Variants in PRAMEF14 observed in about 807,000 individuals in gnomAD.
PRAMEF14 encodes the protein PRAME family member 14.
In PRAMEF14, 24 loss-of-function variants were observed where a neutral mutation model predicts 38.3. The ratio of observed to expected loss-of-function variants is 0.63; its 90% CI spans 0.45 to 0.88. The LOEUF is 0.88. PRAMEF14 is among the 40% of genes least tolerant of loss of function. The pLI is 0.00. For synonymous variants in PRAMEF14, 194 were observed against 226.4 expected, an observed-to-expected ratio of 0.86 and a Z score of 1.29; for missense variants, 477 against 570.8, an observed-to-expected ratio of 0.84 and a Z score of 1.67.
At position 13,342,778 on chromosome 1, in the gene PRAMEF14, C is replaced by T; in HGVS notation, c.1175G>A (p.Gly392Asp). The T allele has an allele frequency of 2.5e-6, 4 of 1,603,674 alleles. No homozygotes were observed. The highest frequency in any genetic ancestry group is 3.4e-6 in the Non-Finnish European group (4 of 1,176,786). Residue 392 changes from glycine to aspartate, a missense_variant, in exon 4 of 4, where the codon GGT (glycine) becomes GAT (aspartate). Transcript: ENST00000334600. ...FYFGRNCMSMGALKDLLCHTS... is the reference protein window; with the variant it reads ...FYFGRNCMSMDALKDLLCHTS... The stretch of plus-strand genomic sequence containing the variant: ...GTGGCACAACAGGTCCTTCAGGGCA[C>T]CCATAGACATACAATTTCTGCCAAA...
Position 13,342,741 on chromosome 1 carries a change from C to A in PRAMEF14, c.1212G>T (p.Leu404=), listed in dbSNP as rs1184985537. ...LKDLLCHTSG[L]SKLSLETYPA... is the part of the protein sequence containing the mutation. ...GATACGTCTCCAGGCTTAACTTGCT[C>A]AGCCCACTGGTGTGGCACAACAGGT... is the stretch of plus-strand genomic sequence containing the variant. Residue 404 remains leucine, a synonymous_variant, in exon 4 of 4, where the codon CTG becomes CTT. Transcript: ENST00000334600. 6.2e-7 allele frequency: 1 copy of A among 1,604,304 alleles called. No individual in the cohort carries two copies. The highest frequency in any genetic ancestry group is 8.5e-7 in the Non-Finnish European group (1 of 1,177,258).
At chr1:13,344,936 T>G (rs1640381568) in intron 2 of PRAMEF14, 92 bp downstream of exon 2, 4 of 1,546,788 alleles carry the variant, frequency 2.6e-6, no homozygotes, top group Non-Finnish European at 3.5e-6. Flanking sequence ...CAGAAGACTC[T>G]GGGCCACACT....
In PRAMEF14 at chr1:13,344,319, G is replaced by C; in HGVS notation, c.585C>G (p.Leu195=). ...GGTATATTATTTTCAATGACTTTCT[G>C]AGATGTTTAATCGGCGTTAGATAAT... The part of the protein sequence containing the change: ...LVNYLTPIKH[L]RKSLKIIYLN... The change falls in exon 3 of 4, where the codon CTC becomes CTG. Residue 195 remains leucine, a synonymous_variant. Transcript: ENST00000334600. 1 of 1,607,996 alleles carries C rather than the reference G, an allele frequency of 6.2e-7. No individual in the cohort carries two copies. Among genetic ancestry groups the C allele is most frequent in the Non-Finnish European group, 8.5e-7 (1 of 1,178,248 alleles).
In PRAMEF14 at chr1:13,346,235, C is replaced by G. The variant is rs1371217577; in HGVS notation, c.-26+822G>C. Among the ~76,000 whole-genome samples, 32 of 146,356 alleles carry G rather than the reference C, an allele frequency of 2.2e-4. 2 individuals carry two copies. The highest frequency in any genetic ancestry group is 7.9e-4 in the African/African-American group (32 of 40,744). On this transcript the variant is annotated intron_variant, in intron 1 of 3. Transcript: ENST00000334600. The stretch of plus-strand genomic sequence containing the variant: ...TAGAAATGCTAACTGTAGCTGGGCG[C>G]GGTGGCTCACTCCTGTAATCCCAGC...
Position 13,344,745 on chromosome 1 carries a change from C to A in PRAMEF14, c.288-129G>T, listed in dbSNP as rs1640379615. ...CCTGTTCTCTTTGTCTTTTCTCAATCCCTGTTCCCTTTTGATTCCCTTTTG... is the reference window on the plus strand; with the variant it reads ...CCTGTTCTCTTTGTCTTTTCTCAATACCTGTTCCCTTTTGATTCCCTTTTG... On this transcript the variant is annotated intron_variant, in intron 2 of 3. Transcript: ENST00000334600. 10 of 1,464,368 alleles carry A rather than the reference C, an allele frequency of 6.8e-6. 2 individuals carry two copies. Among genetic ancestry groups the A allele is most frequent in the Non-Finnish European group, 9.3e-6 (10 of 1,077,982 alleles). 90.7% of individuals were successfully genotyped at this position (1,464,368 alleles called of 1,614,324 possible).
At chr1:13,343,345 C>G (rs1225938869) in intron 3 of PRAMEF14, among the ~76,000 whole-genome samples, 1 of 100,158 alleles carries the variant, frequency 1.0e-5, no homozygotes. Flanking sequence ...TTTTTTTCAT[C>G]TTTTAGCAGA....
intron 2 of PRAMEF14, 38 bp downstream of exon 2, chr1:13,344,990 C>A: frequency 5.1e-6 from 7 of 1,363,630 alleles, no homozygotes; most frequent in Non-Finnish European, 7.1e-6. Context: ...TCCCTGGACA[C>A]CTGAGCCCTA....
intron 3 of PRAMEF14, chr1:13,343,738 C>G: frequency 1.5e-6 from 2 of 1,330,740 alleles, no homozygotes; most frequent in Non-Finnish European, 2.0e-6. Context: ...TTGAAACACA[C>G]TTTGTAACAG....
intron 2 of PRAMEF14, 142 bp from the exon 3 acceptor site, chr1:13,344,758 T>C: frequency 6.9e-7 from 1 of 1,448,758 alleles, no homozygotes; most frequent in East Asian, 2.5e-5. Context: ...TGTTCCCTTT[T>C]GATTCCCTTT....
At chr1:13,346,848 A>G (rs1640410608) in intron 1 of PRAMEF14, among the ~76,000 whole-genome samples, 2 of 150,528 alleles carry the variant, frequency 1.3e-5, no homozygotes, top group African/African-American at 4.9e-5. Flanking sequence ...CTGCTTCGAT[A>G]AGAATTTTAA....
chr1:13,346,308 G>C (rs1640404362), intron 1 of PRAMEF14, among the ~76,000 whole-genome samples: 1 of 151,364 alleles, frequency 6.6e-6, no homozygotes, highest in Non-Finnish European at 1.5e-5. Flanking sequence ...AGGAGTTTGA[G>C]GCCAGCATGG....
chr1:13,344,913 T>C, intron 2 of PRAMEF14, 115 bp downstream of exon 2: 1 of 1,549,046 alleles, frequency 6.5e-7, no homozygotes, highest in Non-Finnish European at 8.8e-7. Context: ...CTGATCTTCC[T>C]CGCCAACACC....
Position 13,342,472 on chromosome 1 carries a change from G to T in PRAMEF14, c.*56C>A. 6.3e-7 allele frequency: 1 copy of T among 1,599,102 alleles called. No homozygotes were observed. The highest frequency in any genetic ancestry group is 8.5e-7 in the Non-Finnish European group (1 of 1,173,070). On this transcript the variant is annotated 3_prime_UTR_variant, in exon 4 of 4. Transcript: ENST00000334600. ...TTGCACCTACATAGTAGATTTTAGTGTCCCAGTGCCTGGAAGAGAACTTTG... is the reference window on the plus strand; with the variant it reads ...TTGCACCTACATAGTAGATTTTAGTTTCCCAGTGCCTGGAAGAGAACTTTG...
At chr1:13,343,211 A>G in intron 3 of PRAMEF14, 125 bp from the exon 4 acceptor site, 2 of 650,676 alleles carry the variant, frequency 3.1e-6, no homozygotes, top group South Asian at 1.9e-5. Context: ...GATGGTCCTC[A>G]TGGAAGTTGC....
intron 1 of PRAMEF14, among the ~76,000 whole-genome samples, chr1:13,345,549 G>C (rs1348095045): frequency 1.3e-5 from 2 of 150,722 alleles, no homozygotes; most frequent in Admixed American, 6.6e-5. Flanking sequence ...CTACCTCTTT[G>C]AGGAAAAATT....
In PRAMEF14 at chr1:13,344,361, G is replaced by T. The variant is rs1260121782; in HGVS notation, c.543C>A (p.Cys181Ter). The T allele has an allele frequency of 1.2e-6, 2 of 1,607,054 alleles. No individual in the cohort carries two copies. Among genetic ancestry groups the T allele is most frequent in the Non-Finnish European group, 1.7e-6 (2 of 1,178,164 alleles). ...TTAGATAATTGACCAGCTTACTACA[G>T]CACAGGTGTACTAAACCTCTCCTTT... ...VYQRRGLVHL[C>*]CSKLVNYLTP... Residue 181 changes from cysteine to a stop codon, truncating the protein, a stop_gained, in exon 3 of 4, where the codon TGC (cysteine) becomes TGA (stop). Transcript: ENST00000334600. LOFTEE classifies it high-confidence loss of function.
In PRAMEF14 at chr1:13,347,069, C is replaced by G. The variant is rs1640412792; in HGVS notation, c.-38G>C. ...GGTGGTGACTTACCAGCGCTGGACT[C>G]ACTTTGCAGAGTTCTGGGACCTCTC... On this transcript the variant is annotated 5_prime_UTR_variant, in exon 1 of 4. Transcript: ENST00000334600. 1 of 150,312 alleles carries G rather than the reference C, an allele frequency of 6.7e-6. No homozygotes were observed. The highest frequency in any genetic ancestry group is 1.5e-5 in the Non-Finnish European group (1 of 67,614). 9.3% of individuals were successfully genotyped at this position (150,312 alleles called of 1,614,324 possible). A position where few individuals can be genotyped will look rare whatever the true frequency, so the allele number is the denominator to read the frequency against.
Position 13,344,181 on chromosome 1 carries a change from C to T in PRAMEF14, c.723G>A (p.Arg241=), listed in dbSNP as rs1299026636. The stretch of plus-strand genomic sequence containing the variant: ...CATTATCTGACATGGAATGATGGCA[C>T]CTGGAGAAAACGAGTTTGCGAAGAT... ...MKNLRKLVFS[R]CHHSMSDNEL... is the part of the protein sequence containing the mutation. The change falls in exon 3 of 4, where the codon AGG becomes AGA. Residue 241 remains arginine (R), a synonymous_variant. Coordinates refer to ENST00000334600, the MANE Select transcript of PRAMEF14 (RefSeq NM_001024661.2). 2,371 of 1,607,394 alleles carry T rather than the reference C, an allele frequency of 1.5e-3. 85 individuals are homozygous for T. Among genetic ancestry groups the T allele is most frequent in the Non-Finnish European group, 1.8e-3 (2,155 of 1,177,742 alleles).
At position 13,342,281 on chromosome 1, in the gene PRAMEF14, T is replaced by C; in HGVS notation, c.*247A>G. On this transcript the variant is annotated 3_prime_UTR_variant, in exon 4 of 4. Transcript: ENST00000334600. ...CATGTGGCCTGGACACAGTCACTCA[T>C]GCCAGTAATCCCAGCACTTTAGGAA... 3.1e-6 allele frequency: 2 copies of C among 645,822 alleles called. No homozygotes were observed. Among genetic ancestry groups the C allele is most frequent in the Non-Finnish European group, 5.0e-6 (2 of 400,662 alleles). The allele number at this position is 645,822 out of a possible 1,614,324, so 40.0% of individuals were successfully genotyped here.
Sources: allele counts gnomAD v4.1 joint callset (sites outside exome capture counted in the v4.1 genomes callset), GRCh38; gene constraint gnomAD v4.1.1; transcripts MANE v1.5; gene names NCBI Gene and HGNC (gene_info 2026-07-23, HGNC 2026-07-21).